Variants in RAPGEF6 observed in about 807,000 individuals in gnomAD.
RAPGEF6 encodes PDZ domain containing guanine nucleotide exchange factor (GEF) 2.
Under a neutral mutation model 171.4 loss-of-function variants are expected in RAPGEF6, and 56 were observed. The observed-to-expected ratio is 0.33, with a 90% confidence interval of 0.26 to 0.41. RAPGEF6 has a LOEUF of 0.41. RAPGEF6 is among the 10% of genes least tolerant of loss of function. The pLI is 1.00. For missense variants in RAPGEF6, 1,674 were observed against 1,921.4 expected, an observed-to-expected ratio of 0.87 and a Z score of 2.41; for synonymous variants, 692 against 650.1, an observed-to-expected ratio of 1.06 and a Z score of -0.98.
intron 9 of RAPGEF6, among the ~76,000 whole-genome samples, chr5:131,507,344 C>A (rs1757438369): frequency 6.6e-6 from 1 of 151,872 alleles, no homozygotes; most frequent in Non-Finnish European, 1.5e-5. Context: ...AACAGGCTAG[C>A]AGCTGTGAAT....
At position 131,431,283 on chromosome 5, in the gene RAPGEF6, C is replaced by A. The variant is rs772065735; in HGVS notation, c.4041G>T (p.Glu1347Asp). ...CTATAATGATATGCTCTTGAGAAAT[C>A]TCTTCATTGCTCACAGACGATGAGA... Reference protein sequence around the residue: ...LAVSSSVSNEEISQEHIIIEA... With the variant: ...LAVSSSVSNEDISQEHIIIEA... The change falls in exon 26 of 28, where the codon GAG (glutamate) becomes GAT (aspartate). Residue 1347 changes from glutamate to aspartate, a missense_variant. Coordinates refer to ENST00000509018, the MANE Select transcript of RAPGEF6 (RefSeq NM_016340.6). The A allele has an allele frequency of 1.2e-6, 2 of 1,614,050 alleles. No homozygotes were observed. The highest frequency in any genetic ancestry group is 1.7e-5 in the Admixed American group (1 of 60,036).
chr5:131,494,843 A>G (rs1367209213), intron 13 of RAPGEF6, among the ~76,000 whole-genome samples: 3 of 152,212 alleles, frequency 2.0e-5, no homozygotes, highest in Admixed American at 6.5e-5. Flanking sequence ...AAAATATGTG[A>G]ACATACATGT....
chr5:131,625,016 C>A (rs921081510), intron 1 of RAPGEF6, among the ~76,000 whole-genome samples: 3 of 152,134 alleles, frequency 2.0e-5, no homozygotes, highest in Non-Finnish European at 4.4e-5. Context: ...GTAATCCCAG[C>A]ACTTTGGGAG....
At chr5:131,515,838 G>T (rs947871095) in intron 7 of RAPGEF6, among the ~76,000 whole-genome samples, 2 of 152,054 alleles carry the variant, frequency 1.3e-5, no homozygotes, top group African/African-American at 2.4e-5. Context: ...ATGTGTAAGT[G>T]GGGGAACAGT....
chr5:131,602,739 C>T (rs1764330691), intron 3 of RAPGEF6, among the ~76,000 whole-genome samples: 2 of 152,044 alleles, frequency 1.3e-5, no homozygotes. Context: ...CCAGCCTGGG[C>T]GACAAGTGCG....
intron 15 of RAPGEF6, among the ~76,000 whole-genome samples, chr5:131,489,112 T>C (rs1756116867): frequency 6.6e-6 from 1 of 152,206 alleles, no homozygotes; most frequent in African/African-American, 2.4e-5. Flanking sequence ...TTTACTCAGT[T>C]TATTTCCATA....
chr5:131,427,192 C>A lies in RAPGEF6; in HGVS notation c.*74G>T. ...GCAATGAGCTGTTCGTTAGCAATGG[C>A]CTGCAGAATCATGAGGTGGTTCTTG... On this transcript the variant is annotated 3_prime_UTR_variant, in exon 28 of 28. Coordinates refer to ENST00000509018, the MANE Select transcript of RAPGEF6 (RefSeq NM_016340.6). 7.2e-7 allele frequency: 1 copy of A among 1,384,988 alleles called. No individual in the cohort carries two copies. Among genetic ancestry groups the A allele is most frequent in the East Asian group, 2.3e-5 (1 of 43,794 alleles). The allele number at this position is 1,384,988 out of a possible 1,614,324, so 85.8% of individuals were successfully genotyped here. A position where few individuals can be genotyped will look rare whatever the true frequency, so the allele number is the denominator to read the frequency against.
chr5:131,589,978 C>G (rs750811140), intron 4 of RAPGEF6, among the ~76,000 whole-genome samples: 8 of 152,202 alleles, frequency 5.3e-5, no homozygotes, highest in Non-Finnish European at 5.9e-5. Flanking sequence ...CAACTCTAGT[C>G]GTGAGGAAGG....
rs1377012617 is a variant in RAPGEF6 at position 131,424,842 on chromosome 5, G to C, written c.*2424C>G. 1 of 152,362 alleles carries C rather than the reference G, an allele frequency of 6.6e-6. No homozygotes were observed. 9.4% of individuals were successfully genotyped at this position (152,362 alleles called of 1,614,324 possible). A position where few individuals can be genotyped will look rare whatever the true frequency, so the allele number is the denominator to read the frequency against. On this transcript the variant is annotated 3_prime_UTR_variant, in exon 28 of 28. Transcript: ENST00000509018. The stretch of plus-strand genomic sequence containing the variant: ...ACTGCTTCAACAGTCTTGGCAGATT[G>C]AGAGTTGTGGCAGGAAGAGAGGGCA...
chr5:131,442,499 A>G lies in RAPGEF6; in HGVS notation c.3460T>C (p.Ser1154Pro). ...CTCATAGGCACTGGAGACATTTCAG[A>G]TGATTTGGCTGATCTTTTCTCACTT... is the stretch of plus-strand genomic sequence containing the variant. ...NLSEKRSAKS[S>P]EMSPVPMRSA... Residue 1154 changes from serine to proline, a missense_variant, in exon 23 of 28, where the codon TCT (serine) becomes CCT (proline). Ser to Pro is a moderately conservative substitution (Grantham distance 74). Transcript: ENST00000509018. The G allele has an allele frequency of 6.2e-7, 1 of 1,614,164 alleles. No homozygotes were observed. The highest frequency in any genetic ancestry group is 8.5e-7 in the Non-Finnish European group (1 of 1,179,998).
chr5:131,524,611 A>T (rs1345550163), intron 6 of RAPGEF6, among the ~76,000 whole-genome samples: 120 of 9,938 alleles, frequency 0.012, no homozygotes, highest in Non-Finnish European at 0.065. Flanking sequence ...AGAGAGATTG[A>T]GAGAGAGAGA....
intron 7 of RAPGEF6, among the ~76,000 whole-genome samples, chr5:131,517,719 C>T (rs538317351): frequency 6.1e-5 from 9 of 148,370 alleles, no homozygotes; most frequent in South Asian, 2.2e-4. Context: ...GGGTCCAGTA[C>T]TGATATTTAA....
At chr5:131,501,719 T>C (rs1236574877) in intron 11 of RAPGEF6, among the ~76,000 whole-genome samples, 2 of 151,970 alleles carry the variant, frequency 1.3e-5, no homozygotes, top group Non-Finnish European at 2.9e-5. Flanking sequence ...GCAAATAATA[T>C]ACAGAGTATA....
chr5:131,463,820 G>A (rs749899171), intron 18 of RAPGEF6: 10 of 1,193,138 alleles, frequency 8.4e-6, no homozygotes, highest in Non-Finnish European at 1.0e-5. Context: ...ATGAAGATTT[G>A]TATCATTCAG....
intron 11 of RAPGEF6, among the ~76,000 whole-genome samples, chr5:131,501,162 AAAAC>A (rs1051597546): frequency 2.3e-4 from 35 of 152,080 alleles, no homozygotes; most frequent in South Asian, 1.7e-3. Context: ...TAAAAATACA[AAAAC>A]AAACAAACAA....
intron 23 of RAPGEF6, 149 bp from the exon 24 acceptor site, chr5:131,439,864 T>C (rs1474560244): frequency 1.5e-6 from 2 of 1,339,452 alleles, no homozygotes; most frequent in East Asian, 2.5e-5. Flanking sequence ...ACTAAATGAC[T>C]GGGTAATGGC....
chr5:131,469,884 TG>T (rs1403980621), intron 17 of RAPGEF6: 2 of 1,250,828 alleles, frequency 1.6e-6, no homozygotes, highest in African/African-American at 3.0e-5. Context: ...TCTGTAGCTT[TG>T]CCCCCACTTT....
chr5:131,492,533 A>G, intron 14 of RAPGEF6, 49 bp downstream of exon 14: 2 of 1,557,904 alleles, frequency 1.3e-6, no homozygotes, highest in Non-Finnish European at 1.8e-6. Flanking sequence ...AGCAGCAGGC[A>G]TAATACTTTT....
chr5:131,571,552 CATT>C (rs1165612532), intron 4 of RAPGEF6, among the ~76,000 whole-genome samples: 4 of 152,140 alleles, frequency 2.6e-5, no homozygotes, highest in Non-Finnish European at 5.9e-5. Context: ...TGCAAAACAT[CATT>C]GAGAGAAATT....
Sources: gnomAD v4.1 joint callset for allele counts (sites outside exome capture counted in the v4.1 genomes callset) on GRCh38, gnomAD v4.1.1 for gene constraint, MANE v1.5 for transcripts, NCBI Gene and HGNC (gene_info 2026-07-23, HGNC 2026-07-21) for gene names.